MYO1E: variants seen among roughly 807,000 people sequenced by gnomAD.
MYO1E encodes unconventional myosin-Ie.
In MYO1E, 68 loss-of-function variants were observed where a neutral mutation model predicts 151.1. That is an observed-to-expected ratio of 0.45 (90% CI 0.37 to 0.55). The LOEUF is 0.55. MYO1E is among the 20% of genes least tolerant of loss of function. The probability of loss-of-function intolerance (pLI) is 0.00; values close to 1 mark genes in which losing one functional copy is unlikely to be tolerated. For synonymous variants in MYO1E, 601 were observed against 501.7 expected (o/e 1.20, Z -2.64); for missense variants, 1,363 against 1,389.3 (o/e 0.98, Z 0.30).
rs1436041542 is a variant in MYO1E at position 59,256,338 on chromosome 15, T to C, written c.278A>G (p.Asp93Gly). ...AATGATCATGTTTCTGTACATATTA[T>C]CTGCAAGGGCATAGATATGTGGTGG... ...ENPPHIYALA[D>G]NMYRNMIIDR... is the part of the protein sequence containing the mutation. The change falls in exon 4 of 28, where the codon GAT (aspartate) becomes GGT (glycine). Residue 93 changes from aspartate (D) to glycine (G), a missense_variant. Asp to Gly is a moderately conservative substitution (Grantham distance 94). Transcript: ENST00000288235. 6.2e-7 allele frequency: 1 copy of C among 1,612,928 alleles called. No individual in the cohort carries two copies. Among genetic ancestry groups the C allele is most frequent in the Non-Finnish European group, 8.5e-7 (1 of 1,179,212 alleles).
At chr15:59,231,263 C>T (rs1016768771) in intron 6 of MYO1E, among the ~76,000 whole-genome samples, 3 of 152,176 alleles carry the variant, frequency 2.0e-5, no homozygotes, top group Admixed American at 1.3e-4. Context: ...CTCCAAGGTG[C>T]CAGATCAGTC....
rs768587845 is a variant in MYO1E at position 59,138,337 on chromosome 15, G to A, written c.3111C>T (p.Pro1037=). The change falls in exon 27 of 28, where the codon CCC becomes CCT. Residue 1037 remains proline (P), a synonymous_variant. Coordinates refer to ENST00000288235, the MANE Select transcript of MYO1E (RefSeq NM_004998.4). ...GVRRQTTSRP[P]PAGGRPKPQP... is the part of the protein sequence containing the mutation. ...GGGGCTTGGGTCTGCCCCCTGCTGG[G>A]GGAGGCCGACTGGTTGTTTGTCTCC... 6.2e-7 allele frequency: 1 copy of A among 1,614,188 alleles called. No homozygotes were observed. Among genetic ancestry groups the A allele is most frequent in the South Asian group, 1.1e-5 (1 of 91,082 alleles).
intron 1 of MYO1E, among the ~76,000 whole-genome samples, chr15:59,315,407 G>A (rs1335170961): frequency 2.0e-5 from 3 of 152,044 alleles, no homozygotes; most frequent in Non-Finnish European, 2.9e-5. Flanking sequence ...GGTGGGCGGG[G>A]GAGAGTATTA....
chr15:59,332,674 G>A (rs1225647998), intron 1 of MYO1E, among the ~76,000 whole-genome samples: 1 of 151,938 alleles, frequency 6.6e-6, no homozygotes, highest in Non-Finnish European at 1.5e-5. Context: ...TGCTACTACT[G>A]AACAGAAGAG....
chr15:59,142,814 A>C (rs1405348204), intron 26 of MYO1E, among the ~76,000 whole-genome samples: 2 of 151,548 alleles, frequency 1.3e-5, no homozygotes, highest in Non-Finnish European at 2.9e-5. Flanking sequence ...TTTACTGGTG[A>C]AACTCACAAT....
chr15:59,282,044 C>T (rs1471745), intron 1 of MYO1E, among the ~76,000 whole-genome samples: 117,893 of 152,104 alleles, frequency 0.78, 46,150 homozygotes, highest in Middle Eastern at 0.84. Flanking sequence ...AAGGTCTACC[C>T]TGGTGCCATG....
rs773185184 is a variant in MYO1E, at chr15:59,210,496, T to C, written c.1362+18A>G. 1.9e-5 allele frequency: 29 copies of C among 1,498,744 alleles called. No individual in the cohort carries two copies. Among genetic ancestry groups the C allele is most frequent in the South Asian group, 7.9e-5 (7 of 88,568 alleles). 92.8% of individuals were successfully genotyped at this position (1,498,744 alleles called of 1,614,324 possible). A position where few individuals can be genotyped will look rare whatever the true frequency, so the allele number is the denominator to read the frequency against. ...TAAACCTGTGAGCAGTGAAAAGACATACTAAATGAACACTTACCACTTTGT... is the reference window on the plus strand; with the variant it reads ...TAAACCTGTGAGCAGTGAAAAGACACACTAAATGAACACTTACCACTTTGT... On this transcript the variant is annotated intron_variant, in intron 13 of 27. Transcript: ENST00000288235.
intron 5 of MYO1E, among the ~76,000 whole-genome samples, chr15:59,236,369 T>TATATACAC (rs1392466770): frequency 8.5e-5 from 10 of 117,734 alleles, no homozygotes; most frequent in East Asian, 7.8e-4. Flanking sequence ...AAAAAATATA[T>TATATACAC]ACACACACAC....
At position 59,153,690 on chromosome 15, in the gene MYO1E, G is replaced by A. The variant is rs368303961; in HGVS notation, c.2980C>T (p.Arg994Cys). ...GACTGCTGCCGAGGCAAGGGCGGGC[G>A]GGCCATGGAGGTGTACAGGCTTTTC... ...NQKSLYTSMA[R>C]PPLPRQQSTS... is the part of the protein sequence containing the mutation. The change falls in exon 26 of 28, where the codon CGC (arginine) becomes TGC (cysteine). Residue 994 changes from arginine (R) to cysteine (C), a missense_variant. Transcript: ENST00000288235. 2.2e-4 allele frequency: 349 copies of A among 1,614,158 alleles called. 3 individuals are homozygous for A. In the South Asian group the frequency reaches 2.5e-3, roughly 12 times the overall value.
At chr15:59,330,365 G>C (rs1256170465) in intron 1 of MYO1E, among the ~76,000 whole-genome samples, 1 of 152,164 alleles carries the variant, frequency 6.6e-6, no homozygotes, top group Non-Finnish European at 1.5e-5. Flanking sequence ...CCAGTTTCCA[G>C]CTTTAAGAGT....
At chr15:59,191,813 C>T (rs2079736202) in intron 17 of MYO1E, among the ~76,000 whole-genome samples, 1 of 152,090 alleles carries the variant, frequency 6.6e-6, no homozygotes, top group Non-Finnish European at 1.5e-5. Flanking sequence ...CAGACAATGC[C>T]CAGTTGTTCC....
At chr15:59,270,702 G>A (rs770003796) in intron 2 of MYO1E, among the ~76,000 whole-genome samples, 5 of 151,442 alleles carry the variant, frequency 3.3e-5, no homozygotes, top group Non-Finnish European at 5.9e-5. Context: ...GCAGTGGTGC[G>A]ATTTTGGCTT....
chr15:59,223,239 A>G, intron 8 of MYO1E, 48 bp from the exon 9 acceptor site: 1 of 1,613,282 alleles, frequency 6.2e-7, no homozygotes, highest in East Asian at 2.2e-5. Context: ...CACCAGCTTT[A>G]AAAGCACCTT....
intron 15 of MYO1E, 23 bp from the exon 16 acceptor site, chr15:59,202,430 A>G (rs1468793011): frequency 6.2e-7 from 1 of 1,604,156 alleles, no homozygotes; most frequent in African/African-American, 1.3e-5. Flanking sequence ...AAAGAGAATG[A>G]ATTAACAATC....
In MYO1E at chr15:59,284,224, G is replaced by A. The variant is rs115331524; in HGVS notation, c.4-11775C>T. Among the ~76,000 whole-genome samples, 1,118 of 152,318 alleles carry A rather than the reference G, an allele frequency of 7.3e-3. 8 individuals carry two copies. Among genetic ancestry groups the A allele is most frequent in the African/African-American group, 0.025 (1,056 of 41,568 alleles). On this transcript the variant is annotated intron_variant, in intron 1 of 27. Transcript: ENST00000288235. ...TCACCTCACAACATGTTTGCTGTAGGTACACGGCAGCACTGTGGCAGCAGC... is the reference window on the plus strand; with the variant it reads ...TCACCTCACAACATGTTTGCTGTAGATACACGGCAGCACTGTGGCAGCAGC...
Position 59,354,871 on chromosome 15 carries a change from C to G in MYO1E, c.3+17627G>C, listed in dbSNP as rs573806830. On this transcript the variant is annotated intron_variant, in intron 1 of 27. Coordinates refer to ENST00000288235, the MANE Select transcript of MYO1E (RefSeq NM_004998.4). Reference sequence around the variant, plus strand: ...TACCAGCTTCCCTCCACAGCTACCCCCTCCTGCAGGAGCCCCACCGAACCA... The same window carrying G: ...TACCAGCTTCCCTCCACAGCTACCCGCTCCTGCAGGAGCCCCACCGAACCA... Among the ~76,000 whole-genome samples, 288 of 152,262 alleles carry G rather than the reference C, an allele frequency of 1.9e-3. 2 individuals are homozygous for G. Among genetic ancestry groups the G allele is most frequent in the South Asian group, 4.4e-3 (21 of 4,812 alleles).
At chr15:59,357,830 A>G (rs181095386) in intron 1 of MYO1E, among the ~76,000 whole-genome samples, 37 of 152,150 alleles carry the variant, frequency 2.4e-4, no homozygotes, top group Middle Eastern at 3.4e-3. Context: ...GACGGGATGG[A>G]GAGGGGGAGG....
At chr15:59,207,383 G>A (rs767832876) in intron 14 of MYO1E, 19 of 1,614,010 alleles carry the variant, frequency 1.2e-5, no homozygotes, top group South Asian at 9.9e-5. Context: ...GCAGGTGCAC[G>A]CCAAGAAAAG....
intron 23 of MYO1E, among the ~76,000 whole-genome samples, chr15:59,162,336 C>T (rs1231349044): frequency 6.6e-6 from 1 of 152,128 alleles, no homozygotes; most frequent in Admixed American, 6.6e-5. Flanking sequence ...TCCATTAGAT[C>T]ATGTTGCCAA....
Sources: gnomAD v4.1 joint callset for allele counts (sites outside exome capture counted in the v4.1 genomes callset) on GRCh38, gnomAD v4.1.1 for gene constraint, MANE v1.5 for transcripts, NCBI Gene and HGNC (gene_info 2026-07-23, HGNC 2026-07-21) for gene names.